Variants in SLC10A7 observed in about 807,000 individuals in gnomAD.
SLC10A7 encodes solute carrier family 10 member 7, also known as sodium/bile acid cotransporter 7.
Under a neutral mutation model 43.2 loss-of-function variants are expected in SLC10A7, and 29 were observed. That is an observed-to-expected ratio of 0.67 (90% CI 0.50 to 0.92). SLC10A7 has a LOEUF of 0.92. SLC10A7 is among the 40% of genes least tolerant of loss of function. The pLI is 0.00. For synonymous variants in SLC10A7, 152 were observed against 144.8 expected, an observed-to-expected ratio of 1.05 and a Z score of -0.35; for missense variants, 295 against 403.2, an observed-to-expected ratio of 0.73 and a Z score of 2.30.
Position 146,521,675 on chromosome 4 carries a change from C to G in SLC10A7, c.43G>C (p.Gly15Arg). The change falls in exon 1 of 12, where the codon GGA (glycine) becomes CGA (arginine). Residue 15 changes from glycine to arginine, a missense_variant. Physicochemically the swap from Gly to Arg is moderately radical, Grantham distance 125 (BLOSUM62 -2). Around this residue, in one of 2 missense-constraint regions of SLC10A7, gnomAD observed 53 missense variants for 40.7 expected, o/e 1.30. Transcript: ENST00000335472. Reference sequence around the variant, plus strand: ...GCTCCAGCGATCGCCAGCACTATTCCGACCATGAACCAGTCTTTCCTCATT... The same window carrying G: ...GCTCCAGCGATCGCCAGCACTATTCGGACCATGAACCAGTCTTTCCTCATT... ...ERMRKDWFMV[G>R]IVLAIAGAKL... 6.2e-7 allele frequency: 1 copy of G among 1,614,158 alleles called. No individual in the cohort carries two copies. Among genetic ancestry groups the G allele is most frequent in the Non-Finnish European group, 8.5e-7 (1 of 1,180,026 alleles).
At position 146,299,821 on chromosome 4, in the gene SLC10A7, A is replaced by C. The variant is rs185533847; in HGVS notation, c.556-5726T>G. Among the ~76,000 whole-genome samples the C allele has an allele frequency of 3.2e-3, 487 of 152,324 alleles. 1 individual carries two copies. Among genetic ancestry groups the C allele is most frequent in the Admixed American group, 4.2e-3 (64 of 15,298 alleles). ...CATAAATTCAACACAAGATGAGACC[A>C]ATGTGTATTGCTCTCTGAGAAGCAA... On this transcript the variant is annotated intron_variant, in intron 7 of 11. Coordinates refer to ENST00000335472, the MANE Select transcript of SLC10A7 (RefSeq NM_001029998.6).
intron 4 of SLC10A7, among the ~76,000 whole-genome samples, chr4:146,493,499 A>AG (rs1423955313): frequency 5.3e-5 from 8 of 151,842 alleles, no homozygotes; most frequent in East Asian, 1.9e-4. Context: ...AAAAAAAAAA[A>AG]AGAGAGAGAG....
chr4:146,331,196 T>C (rs1733507626), intron 5 of SLC10A7, among the ~76,000 whole-genome samples: 1 of 152,158 alleles, frequency 6.6e-6, no homozygotes, highest in South Asian at 2.1e-4. Flanking sequence ...TCCACATTTA[T>C]GGGTCAATCT....
intron 4 of SLC10A7, among the ~76,000 whole-genome samples, chr4:146,461,525 G>A (rs1183456163): frequency 2.6e-5 from 4 of 151,900 alleles, no homozygotes; most frequent in Non-Finnish European, 5.9e-5. Context: ...ATCACAGTGG[G>A]GAATGATTCA....
intron 7 of SLC10A7, 90 bp from the exon 8 acceptor site, chr4:146,294,185 A>G (rs1730629580): frequency 2.8e-6 from 3 of 1,055,596 alleles, no homozygotes; most frequent in Non-Finnish European, 3.9e-6. Context: ...GGAGAAAGAC[A>G]TAAAGGAAAG....
intron 5 of SLC10A7, among the ~76,000 whole-genome samples, chr4:146,388,397 C>G (rs1440012656): frequency 6.6e-6 from 1 of 152,136 alleles, no homozygotes. Flanking sequence ...GGACCCATAT[C>G]TCTCACCATT....
intron 10 of SLC10A7, among the ~76,000 whole-genome samples, chr4:146,259,152 G>T (rs72727989): frequency 0.022 from 3,318 of 152,298 alleles, 47 homozygotes; most frequent in Middle Eastern, 0.092. Flanking sequence ...CTTTAAGAAG[G>T]CTGAAAAATA....
At chr4:146,276,989 C>T (rs1336970969) in intron 10 of SLC10A7, among the ~76,000 whole-genome samples, 1 of 151,936 alleles carries the variant, frequency 6.6e-6, no homozygotes, top group East Asian at 1.9e-4. Flanking sequence ...CAGCAGAAGC[C>T]AAAGCCTACG....
intron 5 of SLC10A7, among the ~76,000 whole-genome samples, chr4:146,432,255 C>G (rs1480821355): frequency 6.6e-6 from 1 of 152,076 alleles, no homozygotes; most frequent in Non-Finnish European, 1.5e-5. Context: ...AATATACTCA[C>G]TATATGACTC....
chr4:146,387,906 T>C (rs1484741500), intron 5 of SLC10A7, among the ~76,000 whole-genome samples: 1 of 152,154 alleles, frequency 6.6e-6, no homozygotes, highest in African/African-American at 2.4e-5. Context: ...TACAAAATAC[T>C]GATGAAAGAA....
chr4:146,429,300 C>T lies in SLC10A7; in HGVS notation c.435+13483G>A, dbSNP rs779099397. On this transcript the variant is annotated intron_variant, in intron 5 of 11. Transcript: ENST00000335472. The stretch of plus-strand genomic sequence containing the variant: ...TTCAACATACAATTATGATAATTAG[C>T]GTACATTTTAAGTGCATATGATATA... Among the ~76,000 whole-genome samples, 26 of 152,150 alleles carry T rather than the reference C, an allele frequency of 1.7e-4. 1 individual carries two copies. Among genetic ancestry groups the T allele is most frequent in the Admixed American group, 5.2e-4 (8 of 15,284 alleles).
chr4:146,521,564 A>G, intron 1 of SLC10A7, 54 bp downstream of exon 1: 1 of 1,490,584 alleles, frequency 6.7e-7, no homozygotes, highest in Non-Finnish European at 9.3e-7. Flanking sequence ...CAAGACTCAC[A>G]AATTAGTTCT....
chr4:146,375,003 C>T (rs561385272), intron 5 of SLC10A7, among the ~76,000 whole-genome samples: 4 of 151,848 alleles, frequency 2.6e-5, no homozygotes, highest in Non-Finnish European at 4.4e-5. Context: ...GTCAGGAGTT[C>T]GAGACTAGCC....
chr4:146,484,848 C>A (rs1734779840), intron 4 of SLC10A7, among the ~76,000 whole-genome samples: 1 of 152,044 alleles, frequency 6.6e-6, no homozygotes, highest in East Asian at 1.9e-4. Context: ...GAAAATAAAG[C>A]CCAATTTAAA....
chr4:146,521,047 G>A (rs1738585231), intron 1 of SLC10A7, among the ~76,000 whole-genome samples: 1 of 152,118 alleles, frequency 6.6e-6, no homozygotes, highest in African/African-American at 2.4e-5. Flanking sequence ...GCACACGGAA[G>A]TATGCTGTAA....
chr4:146,330,424 A>C (rs1733450744), intron 5 of SLC10A7, among the ~76,000 whole-genome samples: 1 of 152,182 alleles, frequency 6.6e-6, no homozygotes, highest in African/African-American at 2.4e-5. Context: ...ATACTGCATT[A>C]ACTCAGTTTT....
intron 4 of SLC10A7, among the ~76,000 whole-genome samples, chr4:146,472,843 G>T (rs978216353): frequency 2.0e-5 from 3 of 152,174 alleles, no homozygotes; most frequent in African/African-American, 7.2e-5. Context: ...ATCGTTTCCA[G>T]AGGATTGACT....
intron 3 of SLC10A7, 69 bp from the exon 4 acceptor site, chr4:146,503,993 C>A (rs997810922): frequency 3.1e-6 from 4 of 1,290,994 alleles, no homozygotes; most frequent in Non-Finnish European, 4.4e-6. Flanking sequence ...TACATTCATT[C>A]TAAAATAGCA....
At chr4:146,396,042 A>G (rs1035049023) in intron 5 of SLC10A7, among the ~76,000 whole-genome samples, 1 of 152,132 alleles carries the variant, frequency 6.6e-6, no homozygotes, top group African/African-American at 2.4e-5. Context: ...TTTCTCCCAC[A>G]TCCTTCCAAT....
Sources: gnomAD v4.1 joint callset for allele counts (sites outside exome capture counted in the v4.1 genomes callset) on GRCh38, gnomAD v4.1.1 for gene constraint, gnomAD v4.1.1 regional missense constraint, MANE v1.5 for transcripts, NCBI Gene and HGNC (gene_info 2026-07-23, HGNC 2026-07-21) for gene names.